SLC1A4: variants seen among roughly 807,000 people sequenced by gnomAD.
SLC1A4 encodes the protein solute carrier family 1 member 4, also known as neutral amino acid transporter A.
In SLC1A4, 19 loss-of-function variants were observed where a neutral mutation model predicts 37.7. That is an observed-to-expected ratio of 0.50 (90% confidence interval 0.35 to 0.74). SLC1A4 has a LOEUF of 0.74. SLC1A4 is among the 30% of genes least tolerant of loss of function. The pLI, the probability that SLC1A4 is intolerant of heterozygous loss-of-function variation, is 0.01. For synonymous variants in SLC1A4, 299 were observed against 309.8 expected (o/e 0.97, Z 0.37); for missense variants, 570 against 712.9 (o/e 0.80, Z 2.28).
chr2:65,011,054 C>A (rs911825726), intron 4 of SLC1A4, among the ~76,000 whole-genome samples: 1 of 152,176 alleles, frequency 6.6e-6, no homozygotes, highest in Non-Finnish European at 1.5e-5. Context: ...GGGTTCCTAC[C>A]ACCACCCAGT....
At chr2:65,009,219 C>T (rs2103661654) in intron 3 of SLC1A4, among the ~76,000 whole-genome samples, 1 of 151,922 alleles carries the variant, frequency 6.6e-6, no homozygotes, top group African/African-American at 2.4e-5. Flanking sequence ...ACTAAAAATA[C>T]AAAATTAGCT....
At chr2:64,999,467 A>C (rs139554038) in intron 1 of SLC1A4, 3 of 152,276 alleles carry the variant, frequency 2.0e-5, no homozygotes, top group African/African-American at 7.2e-5. Flanking sequence ...TGCATAACAA[A>C]CTACTACACA....
chr2:65,005,780 G>A (rs1265517131), intron 3 of SLC1A4, among the ~76,000 whole-genome samples: 2 of 151,986 alleles, frequency 1.3e-5, no homozygotes, highest in African/African-American at 4.8e-5. Flanking sequence ...GACTTCTTGA[G>A]CCCAGGAGTT....
rs924922825 is a variant in SLC1A4 at position 64,989,764 on chromosome 2, C to T, written c.121C>T (p.Arg41Cys). 2 of 1,444,948 alleles carry T rather than the reference C, an allele frequency of 1.4e-6. No individual in the cohort carries two copies. The highest frequency in any genetic ancestry group is 1.5e-5 in the African/African-American group (1 of 66,654). The allele number at this position is 1,444,948 out of a possible 1,614,324, so 89.5% of individuals were successfully genotyped here. A position where few individuals can be genotyped will look rare whatever the true frequency, so the allele number is the denominator to read the frequency against. The stretch of plus-strand genomic sequence containing the variant: ...ACGGCGTTGCGCGGGCTTCCTGCGG[C>T]GCCAAGCGCTGGTGCTGCTCACCGT... Reference protein sequence around the residue: ...RARRCAGFLRRQALVLLTVSG... With the variant: ...RARRCAGFLRCQALVLLTVSG... Residue 41 changes from arginine to cysteine, a missense_variant, in exon 1 of 8, where the codon CGC becomes TGC. Transcript: ENST00000234256.
intron 1 of SLC1A4, among the ~76,000 whole-genome samples, chr2:64,994,286 G>A (rs1290885313): frequency 2.0e-5 from 3 of 152,188 alleles, no homozygotes; most frequent in Admixed American, 6.5e-5. Flanking sequence ...GTTGACCTCC[G>A]CTATAAATTG....
At chr2:64,992,675 TTCTC>T (rs1361837573) in intron 1 of SLC1A4, among the ~76,000 whole-genome samples, 2 of 151,810 alleles carry the variant, frequency 1.3e-5, no homozygotes, top group Non-Finnish European at 2.9e-5. Flanking sequence ...CAGTGCAGGG[TTCTC>T]TCTCTTTCTC....
chr2:65,005,933 G>A (rs1673653150), intron 3 of SLC1A4, among the ~76,000 whole-genome samples: 1 of 151,918 alleles, frequency 6.6e-6, no homozygotes, highest in South Asian at 2.1e-4. Flanking sequence ...ACCCTGGGAG[G>A]TCAATGCTGC....
intron 4 of SLC1A4, among the ~76,000 whole-genome samples, chr2:65,011,759 C>T (rs1379750920): frequency 1.3e-5 from 2 of 152,132 alleles, no homozygotes; most frequent in Non-Finnish European, 2.9e-5. Context: ...AACCAGACCT[C>T]TGTGGCTTCT....
Position 65,016,603 on chromosome 2 carries a change from C to G in SLC1A4, c.964C>G (p.Arg322Gly). The stretch of plus-strand genomic sequence containing the variant: ...GCCACTTATTTATTTTGTTTTCACA[C>G]GAAAAAACCCATTCAGATTCCTCCT... ...VLPLIYFVFT[R>G]KNPFRFLLGL... is the part of the protein sequence containing the mutation. The change falls in exon 5 of 8, where the codon CGA becomes GGA. Residue 322 changes from arginine to glycine, a missense_variant. Coordinates refer to ENST00000234256, the MANE Select transcript of SLC1A4 (RefSeq NM_003038.5). 6.2e-7 allele frequency: 1 copy of G among 1,614,078 alleles called. No homozygotes were observed. The highest frequency in any genetic ancestry group is 8.5e-7 in the Non-Finnish European group (1 of 1,180,002).
chr2:65,016,263 C>T (rs931052688), intron 4 of SLC1A4, among the ~76,000 whole-genome samples, 177 bp from the exon 5 acceptor site: 6 of 152,192 alleles, frequency 3.9e-5, no homozygotes, highest in Non-Finnish European at 7.3e-5. Flanking sequence ...TTTACCCAGT[C>T]TCACAGGCTG....
chr2:65,004,454 A>AT (rs1169064381), intron 3 of SLC1A4, among the ~76,000 whole-genome samples: 1 of 148,722 alleles, frequency 6.7e-6, no homozygotes, highest in Non-Finnish European at 1.5e-5. Flanking sequence ...TTATTTATTT[A>AT]TTTTTTATGT....
Position 65,018,734 on chromosome 2 carries a change from G to T in SLC1A4, c.1364+55G>T. 6.3e-7 allele frequency: 1 copy of T among 1,596,168 alleles called. No individual in the cohort carries two copies. The highest frequency in any genetic ancestry group is 1.3e-5 in the African/African-American group (1 of 74,758). On this transcript the variant is annotated intron_variant, in intron 7 of 7. Transcript: ENST00000234256. This position sits in a 1 kb window ranked among gnomAD's most constrained non-coding sequence, Gnocchi z 4.3. ...AGAGTCTGCACTGAGTTCCCTAGGA[G>T]CTTAGCACTGCTGGGCCTGGGCCAT...
At chr2:64,993,799 C>T (rs138499243) in intron 1 of SLC1A4, among the ~76,000 whole-genome samples, 3 of 152,306 alleles carry the variant, frequency 2.0e-5, no homozygotes, top group Non-Finnish European at 4.4e-5. Flanking sequence ...ATGGTACCCA[C>T]CTCGCAGGAT....
At chr2:65,010,467 T>C (rs1673872730) in intron 3 of SLC1A4, 130 bp from the exon 4 acceptor site, 1 of 746,216 alleles carries the variant, frequency 1.3e-6, no homozygotes. Flanking sequence ...GAATTGCTAA[T>C]TGTTAAAGAA....
Position 65,021,932 on chromosome 2 carries a change from C to T in SLC1A4, c.*786C>T, listed in dbSNP as rs1674444616. On this transcript the variant is annotated 3_prime_UTR_variant, in exon 8 of 8. Coordinates refer to ENST00000234256, the MANE Select transcript of SLC1A4 (RefSeq NM_003038.5). The stretch of plus-strand genomic sequence containing the variant: ...CCCAGTTCGCATCCCAGCCCTGGGG[C>T]ACTTTTCTGCTTCCTTCCAGAGGCC... 1 of 152,302 alleles carries T rather than the reference C, an allele frequency of 6.6e-6. No individual in the cohort carries two copies. Among genetic ancestry groups the T allele is most frequent in the Non-Finnish European group, 1.5e-5 (1 of 68,094 alleles). The allele number at this position is 152,302 out of a possible 1,614,324, so 9.4% of individuals were successfully genotyped here.
At position 65,023,337 on chromosome 2, in the gene SLC1A4, CAT is replaced by C. The variant is rs1491126732; in HGVS notation, c.*2192_*2193del. The C allele has an allele frequency of 1.6e-5, 2 of 126,542 alleles. No homozygotes were observed. Among genetic ancestry groups the C allele is most frequent in the East Asian group, 2.3e-4 (1 of 4,366 alleles). The allele number at this position is 126,542 out of a possible 1,614,324, so 7.8% of individuals were successfully genotyped here. ...TACACACATGTGTGTTGTGTATATGCATGTGTGTGTGTGCGTGTGTGTATAGT... is the reference window on the plus strand; with the variant it reads ...TACACACATGTGTGTTGTGTATATGCGTGTGTGTGTGCGTGTGTGTATAGT... On this transcript the variant is annotated 3_prime_UTR_variant, in exon 8 of 8. Transcript: ENST00000234256.
intron 1 of SLC1A4, among the ~76,000 whole-genome samples, chr2:64,995,252 C>A (rs149059998): frequency 2.0e-5 from 3 of 152,168 alleles, no homozygotes; most frequent in African/African-American, 7.2e-5. Context: ...ACTTGCTGTA[C>A]GTGCACAAGT....
chr2:65,005,929 G>A (rs573765898), intron 3 of SLC1A4, among the ~76,000 whole-genome samples: 3 of 152,256 alleles, frequency 2.0e-5, no homozygotes, highest in East Asian at 3.9e-4. Context: ...CTTGACCCTG[G>A]GAGGTCAATG....
intron 2 of SLC1A4, among the ~76,000 whole-genome samples, chr2:65,002,570 C>CTTTTTTTTTTTTTT (rs70937394): frequency 3.4e-5 from 2 of 59,048 alleles, no homozygotes; most frequent in African/African-American, 1.5e-4. Flanking sequence ...TGTGACCATT[C>CTTTTTTTTTTTTTT]TTTTTTTTTT....
Sources: gnomAD v4.1 joint callset for allele counts (sites outside exome capture counted in the v4.1 genomes callset) on GRCh38, gnomAD v4.1.1 for gene constraint, Gnocchi (gnomAD v3.1) non-coding constraint, MANE v1.5 for transcripts, NCBI Gene and HGNC (gene_info 2026-07-23, HGNC 2026-07-21) for gene names.